Variants in EXOC6B observed in about 807,000 individuals in gnomAD.
EXOC6B encodes the protein exocyst complex component 6B, also known as SEC15 homolog B.
A neutral mutation model predicts 113.5 loss-of-function variants in EXOC6B; 54 were observed. The ratio of observed to expected loss-of-function variants is 0.48; its 90% confidence interval spans 0.38 to 0.60. The LOEUF is 0.60. Ranked by LOEUF, EXOC6B falls within the 20% of genes least tolerant of loss-of-function variation. The pLI, the probability that EXOC6B is intolerant of heterozygous loss-of-function variation, is 0.00. For missense variants in EXOC6B, 797 were observed against 977.5 expected (o/e 0.82, Z 2.46); for synonymous variants, 357 against 339.0 (o/e 1.05, Z -0.58).
intron 20 of EXOC6B, among the ~76,000 whole-genome samples, chr2:72,329,883 G>T (rs1219316540): frequency 1.3e-5 from 2 of 152,046 alleles, no homozygotes; most frequent in African/African-American, 4.8e-5. Flanking sequence ...TTCAAGGCAG[G>T]TTAAGTGTCT....
intron 5 of EXOC6B, among the ~76,000 whole-genome samples, chr2:72,721,108 C>A (rs1679972360): frequency 6.6e-6 from 1 of 151,912 alleles, no homozygotes; most frequent in Admixed American, 6.6e-5. Flanking sequence ...GCAGGCAGAT[C>A]ACTTGCGGTC....
intron 11 of EXOC6B, among the ~76,000 whole-genome samples, chr2:72,506,701 T>C (rs1700614632): frequency 6.6e-6 from 1 of 152,126 alleles, no homozygotes; most frequent in Admixed American, 6.5e-5. Context: ...AAATTTTTCT[T>C]CCAGCCCATA....
intron 8 of EXOC6B, among the ~76,000 whole-genome samples, chr2:72,548,398 T>C (rs954773134): frequency 6.6e-6 from 1 of 152,138 alleles, no homozygotes; most frequent in African/African-American, 2.4e-5. Context: ...GGAAGGTCGG[T>C]TTCACTAAAA....
intron 8 of EXOC6B, among the ~76,000 whole-genome samples, chr2:72,532,510 G>A (rs1177311943): frequency 2.0e-5 from 3 of 151,938 alleles, no homozygotes; most frequent in East Asian, 1.9e-4. Flanking sequence ...TCAGATAAGT[G>A]AGGACAAAAG....
At chr2:72,690,169 C>A (rs919430298) in intron 6 of EXOC6B, among the ~76,000 whole-genome samples, 18 of 152,180 alleles carry the variant, frequency 1.2e-4, no homozygotes, top group Non-Finnish European at 1.5e-4. Flanking sequence ...TTCATATCAT[C>A]AGTAATATTT....
At chr2:72,637,189 T>C (rs1672903123) in intron 6 of EXOC6B, among the ~76,000 whole-genome samples, 1 of 152,046 alleles carries the variant, frequency 6.6e-6, no homozygotes, top group South Asian at 2.1e-4. Flanking sequence ...AAAAAAACAT[T>C]GCATTCATGA....
At chr2:72,258,651 T>A (rs1683510060) in intron 20 of EXOC6B, among the ~76,000 whole-genome samples, 1 of 152,078 alleles carries the variant, frequency 6.6e-6, no homozygotes, top group Admixed American at 6.6e-5. Flanking sequence ...ATTACAGGCA[T>A]GAGCCACCAC....
intron 18 of EXOC6B, among the ~76,000 whole-genome samples, chr2:72,421,195 C>G (rs1242400193): frequency 6.6e-6 from 1 of 152,146 alleles, no homozygotes; most frequent in African/African-American, 2.4e-5. Flanking sequence ...GTTGCCTGTT[C>G]ACTGTGATGA....
intron 8 of EXOC6B, among the ~76,000 whole-genome samples, chr2:72,526,164 G>C (rs1701738485): frequency 6.6e-6 from 1 of 152,040 alleles, no homozygotes; most frequent in South Asian, 2.1e-4. Context: ...AAGGAATAGA[G>C]GCTCTGAACA....
intron 1 of EXOC6B, among the ~76,000 whole-genome samples, chr2:72,787,839 T>C (rs904736482): frequency 6.6e-6 from 1 of 152,204 alleles, no homozygotes; most frequent in African/African-American, 2.4e-5. Context: ...GGTTTCACCA[T>C]GTTGCCCAGG....
At chr2:72,184,047 AAC>A (rs760383642) in intron 21 of EXOC6B, 26 bp downstream of exon 21, 43 of 1,325,406 alleles carry the variant, frequency 3.2e-5, no homozygotes, top group Non-Finnish European at 3.7e-5. Flanking sequence ...CCCACCTCCC[AAC>A]ACAGACCATT....
rs147386202 is a variant in EXOC6B at position 72,300,586 on chromosome 2, C to T, written c.2196+34361G>A. 3.9e-3 allele frequency among the ~76,000 whole-genome samples: 595 copies of T among 152,280 alleles called. 6 individuals are homozygous for T. The highest frequency in any genetic ancestry group is 0.024 in the Middle Eastern group (7 of 294). ...CTGGGGTATGGAAAAAAAACTTCTG[C>T]AGCTAGTTTGATGTCTGCCCAAATG... is the stretch of plus-strand genomic sequence containing the variant. On this transcript the variant is annotated intron_variant, in intron 20 of 21. Transcript: ENST00000272427.
At chr2:72,673,833 A>G (rs530058284) in intron 6 of EXOC6B, among the ~76,000 whole-genome samples, 1 of 151,154 alleles carries the variant, frequency 6.6e-6, no homozygotes, top group Non-Finnish European at 1.5e-5. Flanking sequence ...GAAAGAAAAT[A>G]ATTCCTATCA....
chr2:72,272,225 A>G (rs558924811), intron 20 of EXOC6B, among the ~76,000 whole-genome samples: 2 of 152,286 alleles, frequency 1.3e-5, no homozygotes, highest in East Asian at 1.9e-4. Context: ...TAAGTGCCCA[A>G]TGTTTGCAGG....
At chr2:72,785,201 T>C (rs1327695623) in intron 1 of EXOC6B, among the ~76,000 whole-genome samples, 1 of 152,222 alleles carries the variant, frequency 6.6e-6, no homozygotes, top group African/African-American at 2.4e-5. Context: ...CCCCTGTGGC[T>C]TTGCAGGGTA....
intron 16 of EXOC6B, among the ~76,000 whole-genome samples, chr2:72,489,367 G>A (rs1487416419): frequency 1.3e-5 from 2 of 152,078 alleles, no homozygotes; most frequent in African/African-American, 4.8e-5. Flanking sequence ...TTTAAAAATT[G>A]TAAAGGTAAT....
intron 6 of EXOC6B, among the ~76,000 whole-genome samples, chr2:72,626,411 G>A (rs556363668): frequency 5.7e-4 from 87 of 152,046 alleles, no homozygotes; most frequent in South Asian, 2.1e-3. Flanking sequence ...AAGATGTTAG[G>A]TTCTAATTTT....
intron 6 of EXOC6B, among the ~76,000 whole-genome samples, chr2:72,642,802 G>C (rs1309907014): frequency 3.3e-5 from 5 of 151,798 alleles, no homozygotes; most frequent in Non-Finnish European, 5.9e-5. Flanking sequence ...CACAGCAAAA[G>C]AAACTAACAT....
At chr2:72,384,958 T>C (rs1691911300) in intron 18 of EXOC6B, among the ~76,000 whole-genome samples, 1 of 152,132 alleles carries the variant, frequency 6.6e-6, no homozygotes, top group Non-Finnish European at 1.5e-5. Flanking sequence ...ACAAACTCAA[T>C]GCAATCCTTA....
Sources: allele counts gnomAD v4.1 joint callset (sites outside exome capture counted in the v4.1 genomes callset), GRCh38; gene constraint gnomAD v4.1.1; transcripts MANE v1.5; gene names NCBI Gene and HGNC (gene_info 2026-07-23, HGNC 2026-07-21).